Variants in SGTA observed in about 807,000 individuals in gnomAD.
SGTA encodes the protein small glutamine-rich tetratricopeptide repeat-containing protein alpha.
SGTA carries 22 observed loss-of-function variants against 44.3 expected under a neutral mutation model. The ratio of observed to expected loss-of-function variants is 0.50; its 90% CI spans 0.36 to 0.71. The LOEUF is 0.71. Ranked by LOEUF, SGTA falls within the 30% of genes least tolerant of loss-of-function variation. The pLI is 0.00. For synonymous variants in SGTA, 174 were observed against 177.6 expected (o/e 0.98, Z 0.16); for missense variants, 341 against 435.9 (o/e 0.78, Z 1.94).
At position 2,763,858 on chromosome 19, in the gene SGTA, G is replaced by T; in HGVS notation, c.393-101C>A. On this transcript the variant is annotated intron_variant, in intron 5 of 11. Transcript: ENST00000221566. This position sits in a 1 kb window ranked among gnomAD's most constrained non-coding sequence, Gnocchi z 5.8. Reference sequence around the variant, plus strand: ...GAGCTGCGTTCCTCTCCAACTTCCTGGAGGAACGGCCTCAGTTTTCCCCAT... The same window carrying T: ...GAGCTGCGTTCCTCTCCAACTTCCTTGAGGAACGGCCTCAGTTTTCCCCAT... The T allele has an allele frequency of 1.2e-6, 1 of 855,218 alleles. No individual in the cohort carries two copies. The highest frequency in any genetic ancestry group is 1.8e-6 in the Non-Finnish European group (1 of 549,314). The allele number at this position is 855,218 out of a possible 1,614,324, so 53.0% of individuals were successfully genotyped here.
chr19:2,765,660 C>T lies in SGTA; in HGVS notation c.293-375G>A, dbSNP rs547550577. ...TTTCGCTATTGCTTTTGGAAAGAGC[C>T]CAAGTGGAGGCCTGTATTTTGGAAT... On this transcript the variant is annotated intron_variant, in intron 4 of 11. Coordinates refer to ENST00000221566, the MANE Select transcript of SGTA (RefSeq NM_003021.4). The surrounding 1 kb of genome is among the most constrained non-coding windows in gnomAD (Gnocchi z 5.5). Among the ~76,000 whole-genome samples, 217 of 152,216 alleles carry T rather than the reference C, an allele frequency of 1.4e-3. 2 individuals carry two copies. The highest frequency in any genetic ancestry group is 3.4e-3 in the Middle Eastern group (1 of 294).
At chr19:2,768,840 T>C in intron 2 of SGTA, 129 bp downstream of exon 2, 1 of 703,800 alleles carries the variant, frequency 1.4e-6, no homozygotes, top group East Asian at 2.7e-5. Context: ...ACCCCTGCCC[T>C]CTCTGGGCTT....
At chr19:2,757,630 T>C in intron 10 of SGTA, 63 bp downstream of exon 10, 1 of 1,461,464 alleles carries the variant, frequency 6.8e-7, no homozygotes, top group Non-Finnish European at 9.2e-7. Context: ...CCTCCTTCCC[T>C]TCCGCCTGCG....
At chr19:2,768,118 A>T (rs1915201425) in intron 2 of SGTA, among the ~76,000 whole-genome samples, 2 of 152,128 alleles carry the variant, frequency 1.3e-5, no homozygotes, top group Admixed American at 1.3e-4. Context: ...GGCCTGTATG[A>T]CTGGGTCTGT....
chr19:2,765,578 G>A lies in SGTA; in HGVS notation c.293-293C>T, dbSNP rs1241774669. 6.6e-6 allele frequency among the ~76,000 whole-genome samples: 1 copy of A among 152,004 alleles called. No individual in the cohort carries two copies. The highest frequency in any genetic ancestry group is 1.9e-4 in the East Asian group (1 of 5,178). ...CGGTGGCTGTCACTGCCTGGATGGC[G>A]ACCCCGGGAGCAGAACAGTTAATAC... On this transcript the variant is annotated intron_variant, in intron 4 of 11. Coordinates refer to ENST00000221566, the MANE Select transcript of SGTA (RefSeq NM_003021.4). This position sits in a 1 kb window ranked among gnomAD's most constrained non-coding sequence, Gnocchi z 5.5.
chr19:2,757,639 C>T (rs368414466), intron 10 of SGTA, 54 bp downstream of exon 10: 46 of 1,471,876 alleles, frequency 3.1e-5, no homozygotes, highest in East Asian at 1.5e-4. Flanking sequence ...CTTCCGCCTG[C>T]GAGCCCTGCC....
At chr19:2,766,960 G>A (rs1030436933) in intron 4 of SGTA, among the ~76,000 whole-genome samples, 176 bp downstream of exon 4, 3 of 151,894 alleles carry the variant, frequency 2.0e-5, no homozygotes, top group Non-Finnish European at 4.4e-5. Flanking sequence ...TCTGCACCTC[G>A]CCAGTCCCCT....
chr19:2,776,340 C>T (rs1915444779), intron 1 of SGTA, among the ~76,000 whole-genome samples: 1 of 152,224 alleles, frequency 6.6e-6, no homozygotes. Flanking sequence ...ACAATGTGGC[C>T]TAGCCACACG....
chr19:2,757,715 C>T lies in SGTA; in HGVS notation c.805G>A (p.Asp269Asn), dbSNP rs1219469896. ...GTPGTSPSQN[D>N]LASLIQAGQQ... ...CACGCCTGGATGAGGCTGGCCAGGT[C>T]GTTCTGCGAGGGGCTGGTGCCGGGA... The change falls in exon 10 of 12, where the codon GAC becomes AAC. Residue 269 changes from aspartate (D) to asparagine (N), a missense_variant. Asp to Asn is a conservative substitution (Grantham distance 23). Coordinates refer to ENST00000221566, the MANE Select transcript of SGTA (RefSeq NM_003021.4). 1.9e-6 allele frequency: 3 copies of T among 1,595,148 alleles called. No homozygotes were observed. Among genetic ancestry groups the T allele is most frequent in the East Asian group, 2.3e-5 (1 of 44,418 alleles).
chr19:2,764,611 C>T (rs542541559), intron 5 of SGTA, among the ~76,000 whole-genome samples: 3 of 151,742 alleles, frequency 2.0e-5, no homozygotes, highest in South Asian at 2.1e-4. Context: ...GTCTCCCTGT[C>T]ACCCAAGATG....
intron 8 of SGTA, 125 bp from the exon 9 acceptor site, chr19:2,759,419 C>T (rs1266347377): frequency 9.4e-6 from 8 of 846,940 alleles, no homozygotes; most frequent in Admixed American, 8.0e-5. Context: ...CAGTAAGAGC[C>T]GGGCATTCGG....
chr19:2,759,472 G>A (rs1004866278), intron 8 of SGTA, 178 bp from the exon 9 acceptor site: 16 of 605,004 alleles, frequency 2.6e-5, no homozygotes, highest in Non-Finnish European at 4.4e-5. Context: ...CCCCACCCAC[G>A]AGCTGTGACC....
At chr19:2,769,962 C>T (rs115730075) in intron 1 of SGTA, among the ~76,000 whole-genome samples, 936 of 90,852 alleles carry the variant, frequency 0.01, 49 homozygotes, top group African/African-American at 0.042. Context: ...CGGACACCCG[C>T]CTAGTTCCCC....
chr19:2,757,542 T>C, intron 10 of SGTA, 85 bp from the exon 11 acceptor site: 4 of 1,538,652 alleles, frequency 2.6e-6, no homozygotes, highest in Non-Finnish European at 3.5e-6. Context: ...CCTCGGGCCC[T>C]CCACCCCAAA....
intron 4 of SGTA, among the ~76,000 whole-genome samples, chr19:2,766,547 C>T (rs1395889240): frequency 6.6e-6 from 1 of 152,094 alleles, no homozygotes; most frequent in Non-Finnish European, 1.5e-5. Context: ...ACTCTCCTGC[C>T]TCAGCCTCCT....
At position 2,761,547 on chromosome 19, in the gene SGTA, A is replaced by C; in HGVS notation, c.637-25T>G. 3 of 1,547,624 alleles carry C rather than the reference A, an allele frequency of 1.9e-6. No homozygotes were observed. The highest frequency in any genetic ancestry group is 2.6e-6 in the Non-Finnish European group (3 of 1,143,570). On this transcript the variant is annotated intron_variant, in intron 7 of 11. Coordinates refer to ENST00000221566, the MANE Select transcript of SGTA (RefSeq NM_003021.4). The surrounding 1 kb of genome is among the most constrained non-coding windows in gnomAD (Gnocchi z 5.7). ...TCTGAGGATGAGAACAGCCCTGGTTAGTGGGGCCTGGACCAGAGGCCACGG... is the reference window on the plus strand; with the variant it reads ...TCTGAGGATGAGAACAGCCCTGGTTCGTGGGGCCTGGACCAGAGGCCACGG...
intron 1 of SGTA, among the ~76,000 whole-genome samples, chr19:2,779,636 G>A (rs1214789391): frequency 1.3e-5 from 2 of 152,272 alleles, no homozygotes; most frequent in African/African-American, 2.4e-5. Context: ...GGCAGAGGCC[G>A]CAGAAGTGAG....
chr19:2,757,559 C>T, intron 10 of SGTA, 102 bp from the exon 11 acceptor site: 1 of 1,504,406 alleles, frequency 6.6e-7, no homozygotes, highest in Non-Finnish European at 8.9e-7. Flanking sequence ...CAAAGACAGG[C>T]CTGACCCCTC....
At chr19:2,760,186 G>A (rs1020846701) in intron 8 of SGTA, among the ~76,000 whole-genome samples, 2 of 152,088 alleles carry the variant, frequency 1.3e-5, no homozygotes, top group African/African-American at 4.8e-5. Flanking sequence ...AAAGCCACCA[G>A]TGACACTAGG....
Sources: gnomAD v4.1 joint callset for allele counts (sites outside exome capture counted in the v4.1 genomes callset) on GRCh38, gnomAD v4.1.1 for gene constraint, Gnocchi (gnomAD v3.1) non-coding constraint, MANE v1.5 for transcripts, NCBI Gene and HGNC (gene_info 2026-07-23, HGNC 2026-07-21) for gene names.